The following WDR72 variants were observed in gnomAD, a reference collection of about 807,000 sequenced individuals.
The protein encoded by WDR72 is WD repeat domain 72.
Under a neutral mutation model 124.2 loss-of-function variants are expected in WDR72, and 120 were observed. That is an observed-to-expected ratio of 0.97 (90% CI 0.83 to 1.12). The LOEUF (loss-of-function observed/expected upper bound fraction) is 1.12, where lower values mean the gene tolerates loss of function less well. WDR72 is among the 50% of genes most tolerant of loss of function. The probability of loss-of-function intolerance (pLI) is 0.00; values close to 1 mark genes in which losing one functional copy is unlikely to be tolerated. For missense variants in WDR72, 1,387 were observed against 1,278.8 expected (o/e 1.08, Z -1.29); for synonymous variants, 452 against 441.7 (o/e 1.02, Z -0.29).
At chr15:53,529,164 A>ATTTTTTT (rs1221581823) in intron 18 of WDR72, among the ~76,000 whole-genome samples, 1 of 78,168 alleles carries the variant, frequency 1.3e-5, no homozygotes, top group African/African-American at 5.0e-5. Context: ...ATATATATAT[A>ATTTTTTT]TTTTTTTTTT....
intron 6 of WDR72, 142 bp from the exon 7 acceptor site, chr15:53,713,033 A>T: frequency 1.1e-6 from 1 of 916,818 alleles, no homozygotes; most frequent in Middle Eastern, 2.3e-4. Flanking sequence ...AGTGTTTTGA[A>T]CTAAGAAGTT....
intron 14 of WDR72, among the ~76,000 whole-genome samples, chr15:53,644,306 T>C (rs2014963572): frequency 1.3e-5 from 2 of 152,140 alleles, no homozygotes; most frequent in African/African-American, 2.4e-5. Flanking sequence ...TGGTGGTACA[T>C]AGTTTTTCTT....
In WDR72 at chr15:53,515,239, G is replaced by A. The variant is rs1204130888; in HGVS notation, c.*2460C>T. Reference sequence around the variant, plus strand: ...CATTTGCTAATATAATCACTCCACTGGTTACCTAGGCCTAGACGTACAAAA... The same window carrying A: ...CATTTGCTAATATAATCACTCCACTAGTTACCTAGGCCTAGACGTACAAAA... On this transcript the variant is annotated 3_prime_UTR_variant, in exon 20 of 20. Coordinates refer to ENST00000360509, the MANE Select transcript of WDR72 (RefSeq NM_182758.4). The A allele has an allele frequency of 6.6e-6, 1 of 151,744 alleles. No homozygotes were observed. The highest frequency in any genetic ancestry group is 1.5e-5 in the Non-Finnish European group (1 of 67,948). The allele number at this position is 151,744 out of a possible 1,614,324, so 9.4% of individuals were successfully genotyped here. A position where few individuals can be genotyped will look rare whatever the true frequency, so the allele number is the denominator to read the frequency against.
intron 18 of WDR72, among the ~76,000 whole-genome samples, chr15:53,535,969 T>A (rs1302678371): frequency 6.6e-6 from 1 of 152,176 alleles, no homozygotes; most frequent in Non-Finnish European, 1.5e-5. Context: ...TATAATGGCA[T>A]ATCCTAGGAT....
chr15:53,579,785 A>G (rs973389186), intron 18 of WDR72, among the ~76,000 whole-genome samples: 4 of 152,082 alleles, frequency 2.6e-5, no homozygotes, highest in Non-Finnish European at 5.9e-5. Context: ...GCCAAGTACT[A>G]GGCTAAGTTC....
intron 1 of WDR72, among the ~76,000 whole-genome samples, chr15:53,757,858 C>T (rs1329882843): frequency 1.3e-5 from 2 of 152,142 alleles, no homozygotes; most frequent in Non-Finnish European, 2.9e-5. Flanking sequence ...GTCAAATGCA[C>T]TCTTCCATTC....
At position 53,660,928 on chromosome 15, in the gene WDR72, T is replaced by C. The variant is rs139944650; in HGVS notation, c.1962+4644A>G. 3.1e-3 allele frequency among the ~76,000 whole-genome samples: 469 copies of C among 152,298 alleles called. 3 individuals carry two copies. Among genetic ancestry groups the C allele is most frequent in the Non-Finnish European group, 3.6e-3 (243 of 68,018 alleles). On this transcript the variant is annotated intron_variant, in intron 14 of 19. Transcript: ENST00000360509. ...GGAGGGAAAAGGGAGGTGTTGACTA[T>C]TTTGCCAATTTCTCCTCAGACCTCA...
At chr15:53,689,578 G>T (rs1250366793) in intron 13 of WDR72, among the ~76,000 whole-genome samples, 3 of 147,730 alleles carry the variant, frequency 2.0e-5, no homozygotes, top group Non-Finnish European at 3.0e-5. Context: ...AGGTGCTGGA[G>T]AGGATGTGGA....
chr15:53,739,029 T>A (rs527439112), intron 1 of WDR72, among the ~76,000 whole-genome samples: 4 of 152,212 alleles, frequency 2.6e-5, no homozygotes, highest in Non-Finnish European at 5.9e-5. Flanking sequence ...AAAAACTTCA[T>A]ATTGGGTGTA....
intron 18 of WDR72, among the ~76,000 whole-genome samples, chr15:53,577,069 C>A (rs1191730042): frequency 6.6e-6 from 1 of 152,106 alleles, no homozygotes; most frequent in Non-Finnish European, 1.5e-5. Flanking sequence ...ATCCATTGTT[C>A]TTCCAAAAGA....
chr15:53,559,523 G>C (rs1432457542), intron 18 of WDR72, among the ~76,000 whole-genome samples: 1 of 151,970 alleles, frequency 6.6e-6, no homozygotes, highest in African/African-American at 2.4e-5. Context: ...TTCTTTCAAA[G>C]TGAGAAGTTA....
chr15:53,705,986 C>A lies in WDR72; in HGVS notation c.1043G>T (p.Arg348Ile). 6.2e-7 allele frequency: 1 copy of A among 1,614,042 alleles called. No homozygotes were observed. Among genetic ancestry groups the A allele is most frequent in the Non-Finnish European group, 8.5e-7 (1 of 1,179,998 alleles). ...ATCAGGGATGTGCCACAAAGTAATTCTTCCTGAGACTTCTCCAGAGAAAAG... is the reference window on the plus strand; with the variant it reads ...ATCAGGGATGTGCCACAAAGTAATTATTCCTGAGACTTCTCCAGAGAAAAG... The part of the protein sequence containing the change: ...KVLFSGEVSG[R>I]ITLWHIPDVP... Residue 348 changes from arginine (R) to isoleucine (I), a missense_variant, in exon 10 of 20, where the codon AGA becomes ATA. Coordinates refer to ENST00000360509, the MANE Select transcript of WDR72 (RefSeq NM_182758.4).
intron 14 of WDR72, among the ~76,000 whole-genome samples, chr15:53,643,951 A>C (rs2014950081): frequency 6.6e-6 from 1 of 152,176 alleles, no homozygotes; most frequent in South Asian, 2.1e-4. Context: ...AGTAACATAC[A>C]TACTTTTTAT....
At position 53,605,270 on chromosome 15, in the gene WDR72, A is replaced by T. The variant is rs184576876; in HGVS notation, c.2952+4243T>A. Among the ~76,000 whole-genome samples, 117 of 152,300 alleles carry T rather than the reference A, an allele frequency of 7.7e-4. 2 individuals carry two copies. The highest frequency in any genetic ancestry group is 2.8e-3 in the African/African-American group (115 of 41,576). On this transcript the variant is annotated intron_variant, in intron 17 of 19. Coordinates refer to ENST00000360509, the MANE Select transcript of WDR72 (RefSeq NM_182758.4). ...AACCGAATACTGCATGTTCTCACTT[A>T]TAAGTGGGAGCTAAATGATGGGAAC...
At chr15:53,545,264 A>T (rs1037140133) in intron 18 of WDR72, among the ~76,000 whole-genome samples, 2 of 151,642 alleles carry the variant, frequency 1.3e-5, no homozygotes, top group Admixed American at 6.6e-5. Flanking sequence ...TTCAAACTAT[A>T]CTACAAGGCT....
intron 18 of WDR72, among the ~76,000 whole-genome samples, chr15:53,554,851 G>A (rs1230766021): frequency 1.3e-5 from 2 of 152,026 alleles, no homozygotes; most frequent in African/African-American, 2.4e-5. Flanking sequence ...TTTTGTGTTG[G>A]TAAATGTTTA....
rs1595860676 is a variant in WDR72 at position 53,702,129 on chromosome 15, C to T, written c.1569+5G>A. On this transcript the variant is annotated splice_donor_5th_base_variant and intron_variant, in intron 12 of 19. Transcript: ENST00000360509. ...TTAGATGTTATATTTTACTCTTCGT[C>T]TTACTTTAAACTTCTCTGGTGACAT... The T allele has an allele frequency of 6.2e-7, 1 of 1,607,962 alleles. No individual in the cohort carries two copies. Among genetic ancestry groups the T allele is most frequent in the South Asian group, 1.1e-5 (1 of 90,080 alleles).
chr15:53,584,526 G>C (rs1019341909), intron 18 of WDR72, among the ~76,000 whole-genome samples: 3 of 151,902 alleles, frequency 2.0e-5, no homozygotes, highest in Admixed American at 6.6e-5. Context: ...AAAAAATTAA[G>C]AAAAAATACT....
intron 1 of WDR72, among the ~76,000 whole-genome samples, chr15:53,747,063 C>T (rs983289255): frequency 2.6e-5 from 4 of 152,198 alleles, no homozygotes; most frequent in African/African-American, 9.6e-5. Context: ...CTACTTTAAC[C>T]GTAGAAGACT....
Sources: allele counts gnomAD v4.1 joint callset (sites outside exome capture counted in the v4.1 genomes callset), GRCh38; gene constraint gnomAD v4.1.1; transcripts MANE v1.5; gene names NCBI Gene and HGNC (gene_info 2026-07-23, HGNC 2026-07-21).